CTIF: variants seen among roughly 807,000 people sequenced by gnomAD.
CTIF encodes the protein cap binding complex dependent translation initiation factor, also known as CBP80/20-dependent translation initiation factor.
In CTIF, 21 loss-of-function variants were observed where a neutral mutation model predicts 66.0. The ratio of observed to expected loss-of-function variants is 0.32; its 90% CI spans 0.23 to 0.46. The LOEUF is 0.46. Ranked by LOEUF, CTIF falls within the 20% of genes least tolerant of loss-of-function variation. The pLI is 1.00. For missense variants in CTIF, 739 were observed against 812.7 expected, an observed-to-expected ratio of 0.91 and a Z score of 1.10; for synonymous variants, 345 against 326.4, an observed-to-expected ratio of 1.06 and a Z score of -0.62.
At chr18:48,558,286 G>C (rs1188728615) in intron 1 of CTIF, among the ~76,000 whole-genome samples, 1 of 152,248 alleles carries the variant, frequency 6.6e-6, no homozygotes, top group Non-Finnish European at 1.5e-5. Context: ...GTTCACAAGT[G>C]AAGGGAGTAT....
chr18:48,646,127 C>A (rs1262515598), intron 3 of CTIF, among the ~76,000 whole-genome samples: 2 of 152,024 alleles, frequency 1.3e-5, no homozygotes, highest in Non-Finnish European at 2.9e-5. Context: ...GATGAAGAGA[C>A]AAGTTACAGA....
At chr18:48,576,144 G>A (rs1426446336) in intron 1 of CTIF, among the ~76,000 whole-genome samples, 1 of 152,266 alleles carries the variant, frequency 6.6e-6, no homozygotes, top group Non-Finnish European at 1.5e-5. Context: ...GAGAGGCGCC[G>A]AGGATGGGGC....
intron 10 of CTIF, among the ~76,000 whole-genome samples, chr18:48,852,233 TAAAAAAAA>T (rs10591389): frequency 3.3e-4 from 22 of 66,578 alleles, no homozygotes; most frequent in South Asian, 1.3e-3. Context: ...GACCCTGTCT[TAAAAAAAA>T]AAAAAAAAAA....
chr18:48,676,860 C>CA (rs900803318), intron 6 of CTIF, among the ~76,000 whole-genome samples: 47 of 152,046 alleles, frequency 3.1e-4, no homozygotes, highest in Non-Finnish European at 4.4e-4. Flanking sequence ...AATGAGCTTT[C>CA]AAAATGAAAA....
At chr18:48,835,598 A>ACAGTG (rs2068791148) in intron 10 of CTIF, among the ~76,000 whole-genome samples, 1 of 152,178 alleles carries the variant, frequency 6.6e-6, no homozygotes, top group African/African-American at 2.4e-5. Context: ...ATCTATAAGC[A>ACAGTG]CAGTGCAGAA....
At chr18:48,658,051 C>T (rs907080572) in intron 3 of CTIF, among the ~76,000 whole-genome samples, 1 of 152,162 alleles carries the variant, frequency 6.6e-6, no homozygotes, top group Non-Finnish European at 1.5e-5. Flanking sequence ...CCTGCAGGCA[C>T]CTGCCTTCCT....
rs556623180 is a variant in CTIF, at chr18:48,646,799, A to G, written c.252+10114A>G. 2.0e-4 allele frequency among the ~76,000 whole-genome samples: 30 copies of G among 150,460 alleles called. 1 individual carries two copies. The highest frequency in any genetic ancestry group is 6.8e-3 in the Middle Eastern group (2 of 292). The stretch of plus-strand genomic sequence containing the variant: ...AAAAAGGAAAGAAAAACTAAATGAC[A>G]GCGTCCAATGCTGGTGAGAATGCAG... On this transcript the variant is annotated intron_variant, in intron 3 of 11. Coordinates refer to ENST00000256413, the MANE Select transcript of CTIF (RefSeq NM_014772.3).
intron 7 of CTIF, among the ~76,000 whole-genome samples, chr18:48,727,500 G>T (rs1221765525): frequency 1.3e-5 from 2 of 152,128 alleles, no homozygotes; most frequent in African/African-American, 4.8e-5. Context: ...TTTGTACTGT[G>T]TCTCTCCCTT....
At chr18:48,772,533 C>CAGCAATAACCCCCCTA (rs1910271666) in intron 9 of CTIF, among the ~76,000 whole-genome samples, 1 of 117,878 alleles carries the variant, frequency 8.5e-6, no homozygotes, top group Non-Finnish European at 1.8e-5. Flanking sequence ...TGCCTCCCCT[C>CAGCAATAACCCCCCTA]CATCTTCCAT....
chr18:48,776,692 C>T (rs1024067255), intron 9 of CTIF, among the ~76,000 whole-genome samples: 2 of 152,266 alleles, frequency 1.3e-5, no homozygotes, highest in Non-Finnish European at 2.9e-5. Context: ...CCTCGCACAG[C>T]CCCTCAAGTG....
chr18:48,711,754 C>G (rs968141547), intron 7 of CTIF, 59 bp downstream of exon 7: 1 of 1,437,646 alleles, frequency 7.0e-7, no homozygotes, highest in African/African-American at 1.4e-5. Flanking sequence ...CCATCTGTAG[C>G]GACGTCAGCT....
At chr18:48,807,617 G>A (rs1434460118) in intron 9 of CTIF, among the ~76,000 whole-genome samples, 1 of 132,518 alleles carries the variant, frequency 7.5e-6, no homozygotes, top group Non-Finnish European at 1.6e-5. Flanking sequence ...GTCTCGCTCT[G>A]TTGCCCAGGC....
chr18:48,572,408 T>G (rs79003080), intron 1 of CTIF, among the ~76,000 whole-genome samples: 1 of 152,242 alleles, frequency 6.6e-6, no homozygotes, highest in East Asian at 1.9e-4. Flanking sequence ...ACCCTGGGAA[T>G]GCAGAGGAGA....
At chr18:48,587,193 T>C (rs1046378522) in intron 1 of CTIF, among the ~76,000 whole-genome samples, 1 of 151,818 alleles carries the variant, frequency 6.6e-6, no homozygotes, top group Non-Finnish European at 1.5e-5. Flanking sequence ...GCGATTCTCC[T>C]GCCTCAGCCT....
At chr18:48,666,781 C>T (rs2091443747) in intron 5 of CTIF, among the ~76,000 whole-genome samples, 1 of 152,236 alleles carries the variant, frequency 6.6e-6, no homozygotes, top group African/African-American at 2.4e-5. Flanking sequence ...ACTGCCTGCT[C>T]AGCCCACTCA....
At chr18:48,846,416 C>T (rs1328804492) in intron 10 of CTIF, among the ~76,000 whole-genome samples, 6 of 152,126 alleles carry the variant, frequency 3.9e-5, no homozygotes, top group Admixed American at 3.3e-4. Flanking sequence ...ATTTAACACA[C>T]CATAGATATT....
chr18:48,594,891 C>T (rs188203895), intron 1 of CTIF, among the ~76,000 whole-genome samples: 1 of 152,326 alleles, frequency 6.6e-6, no homozygotes, highest in East Asian at 1.9e-4. Context: ...TGGGGCCAGG[C>T]TGAGAGAGCT....
At chr18:48,730,442 TGTGGTGTGAGGG>T in intron 7 of CTIF, among the ~76,000 whole-genome samples, 1 of 122,884 alleles carries the variant, frequency 8.1e-6, no homozygotes, top group South Asian at 2.8e-4. Context: ...GAGGGGCCCC[TGTGGTGTGAGGG>T]GCTTCCGCGG....
intron 7 of CTIF, among the ~76,000 whole-genome samples, chr18:48,714,565 G>A (rs1325787483): frequency 2.0e-5 from 3 of 152,228 alleles, no homozygotes; most frequent in Non-Finnish European, 2.9e-5. Context: ...ATTTCCCACA[G>A]CCTGGAGCAG....
Sources: allele counts gnomAD v4.1 joint callset (sites outside exome capture counted in the v4.1 genomes callset), GRCh38; gene constraint gnomAD v4.1.1; transcripts MANE v1.5; gene names NCBI Gene and HGNC (gene_info 2026-07-23, HGNC 2026-07-21).